Variants in IGF2BP3 observed in about 807,000 individuals in gnomAD.
IGF2BP3 encodes insulin-like growth factor 2 mRNA-binding protein 3.
IGF2BP3 carries 9 observed loss-of-function variants against 73.8 expected under a neutral mutation model. The observed-to-expected ratio is 0.12, with a 90% CI of 0.07 to 0.21. The LOEUF (loss-of-function observed/expected upper bound fraction) is 0.21, where lower values mean the gene tolerates loss of function less well. IGF2BP3 is among the 10% of genes least tolerant of loss of function. The probability of loss-of-function intolerance (pLI) is 1.00; values close to 1 mark genes in which losing one functional copy is unlikely to be tolerated. For synonymous variants in IGF2BP3, 258 were observed against 256.7 expected (o/e 1.01, Z -0.05); for missense variants, 542 against 714.0 (o/e 0.76, Z 2.75).
chr7:23,397,685 T>C (rs916034431), intron 3 of IGF2BP3, among the ~76,000 whole-genome samples: 3 of 152,218 alleles, frequency 2.0e-5, no homozygotes, highest in East Asian at 1.9e-4. Context: ...TTTATCTTAA[T>C]GTATTTCACC....
chr7:23,381,131 G>A (rs1197815262), intron 3 of IGF2BP3, among the ~76,000 whole-genome samples: 5 of 152,198 alleles, frequency 3.3e-5, no homozygotes, highest in Admixed American at 2.6e-4. Context: ...CAGCAATGGA[G>A]AAATCCCTCC....
chr7:23,419,190 C>T (rs773794280), intron 2 of IGF2BP3, among the ~76,000 whole-genome samples: 6 of 152,122 alleles, frequency 3.9e-5, no homozygotes, highest in Non-Finnish European at 7.4e-5. Flanking sequence ...TTACTCTGAC[C>T]GTTACAGCTA....
chr7:23,351,912 G>A (rs991761644), intron 5 of IGF2BP3, among the ~76,000 whole-genome samples: 1 of 152,178 alleles, frequency 6.6e-6, no homozygotes, highest in Non-Finnish European at 1.5e-5. Context: ...TAACCCATAA[G>A]GTTACTAACG....
chr7:23,455,565 C>G (rs766620042), intron 2 of IGF2BP3, among the ~76,000 whole-genome samples: 1 of 152,182 alleles, frequency 6.6e-6, no homozygotes, highest in Non-Finnish European at 1.5e-5. Flanking sequence ...TTTAACCCAC[C>G]TTTAGGATCA....
At chr7:23,354,261 G>A (rs540156414) in intron 5 of IGF2BP3, among the ~76,000 whole-genome samples, 3 of 152,296 alleles carry the variant, frequency 2.0e-5, no homozygotes, top group East Asian at 1.9e-4. Flanking sequence ...CCAAAGTGCT[G>A]GGATTACAGG....
intron 2 of IGF2BP3, among the ~76,000 whole-genome samples, chr7:23,455,966 T>G (rs1465562061): frequency 6.6e-6 from 1 of 152,172 alleles, no homozygotes; most frequent in Non-Finnish European, 1.5e-5. Flanking sequence ...ATTACAGGCA[T>G]GAGCCACTGC....
intron 2 of IGF2BP3, among the ~76,000 whole-genome samples, chr7:23,419,852 C>CA (rs1787295305): frequency 1.3e-5 from 2 of 151,806 alleles, no homozygotes; most frequent in South Asian, 4.2e-4. Flanking sequence ...GACTCCATCT[C>CA]AAAAAAATAA....
At chr7:23,340,251 C>A (rs1562684585) in intron 10 of IGF2BP3, among the ~76,000 whole-genome samples, 1 of 151,884 alleles carries the variant, frequency 6.6e-6, no homozygotes, top group Non-Finnish European at 1.5e-5. Flanking sequence ...ATTTTGATGG[C>A]TATCATTCTG....
In IGF2BP3 at chr7:23,368,765, C is replaced by T. The variant is rs554474856; in HGVS notation, c.286-7024G>A. 1.6e-3 allele frequency among the ~76,000 whole-genome samples: 241 copies of T among 152,066 alleles called. 2 individuals are homozygous for T. Among genetic ancestry groups the T allele is most frequent in the African/African-American group, 5.6e-3 (232 of 41,482 alleles). On this transcript the variant is annotated intron_variant, in intron 3 of 14. Transcript: ENST00000258729. ...ATACAAAATTAGCCGGGCGTGGTCG[C>T]GCTTGCCTGTAATCCCAGCTACTCG...
chr7:23,325,064 C>A (rs1253418908), intron 10 of IGF2BP3, among the ~76,000 whole-genome samples: 1 of 151,890 alleles, frequency 6.6e-6, no homozygotes, highest in Non-Finnish European at 1.5e-5. Flanking sequence ...GTTGGAAGTT[C>A]TGGCCAGGGC....
At chr7:23,342,671 C>G (rs1484368927) in intron 9 of IGF2BP3, among the ~76,000 whole-genome samples, 1 of 152,154 alleles carries the variant, frequency 6.6e-6, no homozygotes, top group Non-Finnish European at 1.5e-5. Flanking sequence ...AATCAGGACC[C>G]ATCCCCATGT....
intron 10 of IGF2BP3, among the ~76,000 whole-genome samples, chr7:23,321,744 T>C (rs1784159010): frequency 6.6e-6 from 1 of 152,140 alleles, no homozygotes; most frequent in Admixed American, 6.5e-5. Context: ...GCAGACTGCC[T>C]CCTCAAGTGG....
At chr7:23,368,265 A>G (rs1785437158) in intron 3 of IGF2BP3, among the ~76,000 whole-genome samples, 1 of 151,900 alleles carries the variant, frequency 6.6e-6, no homozygotes, top group African/African-American at 2.4e-5. Flanking sequence ...ACAGACCTTG[A>G]AAGTATTATG....
chr7:23,432,556 T>G (rs1012219364), intron 2 of IGF2BP3, among the ~76,000 whole-genome samples: 1 of 151,640 alleles, frequency 6.6e-6, no homozygotes, highest in Non-Finnish European at 1.5e-5. Flanking sequence ...GGGCACAAAC[T>G]AATCCTTGAT....
At chr7:23,340,856 T>C (rs1169050897) in intron 10 of IGF2BP3, among the ~76,000 whole-genome samples, 5 of 146,078 alleles carry the variant, frequency 3.4e-5, no homozygotes, top group East Asian at 1.9e-4. Context: ...TTTCTTTTTT[T>C]TTTTTTTTTC....
intron 10 of IGF2BP3, among the ~76,000 whole-genome samples, chr7:23,338,796 T>G (rs113619355): frequency 6.6e-5 from 10 of 152,280 alleles, no homozygotes; most frequent in South Asian, 2.1e-4. Context: ...AGGGAATAAT[T>G]AATGCTGAAC....
chr7:23,335,479 A>C (rs1461604267), intron 10 of IGF2BP3, among the ~76,000 whole-genome samples: 3 of 151,252 alleles, frequency 2.0e-5, no homozygotes, highest in Non-Finnish European at 4.4e-5. Context: ...TTGTAGAGAC[A>C]GAGTTCTCCC....
intron 3 of IGF2BP3, among the ~76,000 whole-genome samples, chr7:23,412,230 G>T (rs140711606): frequency 6.6e-6 from 1 of 151,980 alleles, no homozygotes; most frequent in Non-Finnish European, 1.5e-5. Flanking sequence ...TGATTTGCCT[G>T]CCTCAGCCTC....
intron 2 of IGF2BP3, among the ~76,000 whole-genome samples, chr7:23,445,358 G>A (rs570459494): frequency 1.3e-5 from 2 of 152,038 alleles, no homozygotes; most frequent in African/African-American, 4.8e-5. Context: ...TAGTTCCTAT[G>A]GGTGTTTCGT....
Sources: allele counts gnomAD v4.1 joint callset (sites outside exome capture counted in the v4.1 genomes callset), GRCh38; gene constraint gnomAD v4.1.1; transcripts MANE v1.5; gene names NCBI Gene and HGNC (gene_info 2026-07-23, HGNC 2026-07-21).